Variants in SAMSN1 observed in about 807,000 individuals in gnomAD.
The protein encoded by SAMSN1 is SAM domain-containing protein SAMSN-1.
SAMSN1 carries 31 observed loss-of-function variants against 42.0 expected under a neutral mutation model. The observed-to-expected ratio is 0.74, with a 90% CI of 0.55 to 1.00. The LOEUF (loss-of-function observed/expected upper bound fraction) is 1.00, where lower values mean the gene tolerates loss of function less well. Ranked by LOEUF, SAMSN1 falls within the 50% of genes least tolerant of loss-of-function variation. The pLI is 0.00. For synonymous variants in SAMSN1, 178 were observed against 151.9 expected (o/e 1.17, Z -1.26); for missense variants, 464 against 439.4 (o/e 1.06, Z -0.50).
At chr21:14,534,893 G>A (rs1308813754) in intron 1 of SAMSN1, among the ~76,000 whole-genome samples, 1 of 152,118 alleles carries the variant, frequency 6.6e-6, no homozygotes, top group East Asian at 1.9e-4. Context: ...TTTAGTTCAC[G>A]TTACCTACTG....
intron 2 of SAMSN1, among the ~76,000 whole-genome samples, chr21:14,566,506 T>TG (rs1600933890): frequency 1.3e-5 from 2 of 151,902 alleles, no homozygotes; most frequent in Non-Finnish European, 2.9e-5. Flanking sequence ...GGTTGGCCCA[T>TG]AAAAAAATCT....
chr21:14,507,122 G>A (rs1041307448), intron 5 of SAMSN1, among the ~76,000 whole-genome samples: 1 of 152,112 alleles, frequency 6.6e-6, no homozygotes, highest in Non-Finnish European at 1.5e-5. Flanking sequence ...TTCCCTTTGA[G>A]AACTGGAACA....
At chr21:14,644,708 A>C (rs961826657) in intron 1 of SAMSN1, among the ~76,000 whole-genome samples, 1 of 152,116 alleles carries the variant, frequency 6.6e-6, no homozygotes, top group Non-Finnish European at 1.5e-5. Context: ...TAGAGCACTG[A>C]CTGGGCTCTT....
chr21:14,532,745 A>G (rs957255656), intron 1 of SAMSN1, among the ~76,000 whole-genome samples: 6 of 152,136 alleles, frequency 3.9e-5, no homozygotes, highest in African/African-American at 1.4e-4. Context: ...ATACAGTGAG[A>G]TAGTCATAAT....
At chr21:14,519,077 C>T (rs115369303) in intron 2 of SAMSN1, among the ~76,000 whole-genome samples, 1,976 of 152,240 alleles carry the variant, frequency 0.013, 33 homozygotes, top group Middle Eastern at 0.044. Flanking sequence ...CTATGCCTTT[C>T]TCCATAGCCT....
chr21:14,606,847 A>G (rs1982582875), intron 5 of SAMSN1, among the ~76,000 whole-genome samples: 1 of 152,212 alleles, frequency 6.6e-6, no homozygotes, highest in African/African-American at 2.4e-5. Flanking sequence ...GTCTTAACCT[A>G]TATAGTACAG....
intron 3 of SAMSN1, among the ~76,000 whole-genome samples, chr21:14,516,244 T>C (rs899697953): frequency 1.3e-5 from 2 of 152,242 alleles, no homozygotes; most frequent in East Asian, 1.9e-4. Context: ...CACTAAGTGA[T>C]AAATGGATAA....
intron 6 of SAMSN1, among the ~76,000 whole-genome samples, chr21:14,595,445 C>G (rs955697420): frequency 2.6e-5 from 4 of 152,036 alleles, no homozygotes; most frequent in African/African-American, 7.2e-5. Context: ...ATTACCCAGC[C>G]TAAGGTACTT....
At chr21:14,523,252 G>A (rs1258831348) in intron 1 of SAMSN1, 1 of 152,128 alleles carries the variant, frequency 6.6e-6, no homozygotes, top group Non-Finnish European at 1.5e-5. Context: ...TAAAAGAACT[G>A]AAATAAAAAG....
intron 2 of SAMSN1, among the ~76,000 whole-genome samples, chr21:14,634,190 A>C (rs1983405440): frequency 1.0e-5 from 1 of 95,978 alleles, no homozygotes; most frequent in African/African-American, 3.1e-5. Flanking sequence ...TAAATTTAAA[A>C]CCCAAAACTA....
At chr21:14,577,892 C>A (rs529154621) in intron 2 of SAMSN1, among the ~76,000 whole-genome samples, 3 of 152,234 alleles carry the variant, frequency 2.0e-5, no homozygotes, top group African/African-American at 7.2e-5. Context: ...ACAAATATTT[C>A]TTCACTCCCT....
intron 4 of SAMSN1, chr21:14,612,525 T>C: frequency 2.5e-6 from 1 of 405,150 alleles, no homozygotes; most frequent in Admixed American, 3.5e-5. Flanking sequence ...TAATTTTTTA[T>C]TGTCTCCTAG....
intron 2 of SAMSN1, among the ~76,000 whole-genome samples, chr21:14,631,415 G>GT (rs1243008879): frequency 1.3e-5 from 2 of 152,096 alleles, no homozygotes; most frequent in African/African-American, 4.8e-5. Flanking sequence ...TTGTTTGTTT[G>GT]TTTTTTTCTT....
At chr21:14,587,102 A>G (rs1335051596), upstream of SAMSN1, among the ~76,000 whole-genome samples, 4 of 152,170 alleles carry the variant, frequency 2.6e-5, no homozygotes, top group Non-Finnish European at 5.9e-5. Flanking sequence ...TTCTCTCTCT[A>G]CTGAATTTTG....
chr21:14,546,957 C>T (rs1980426777), upstream of SAMSN1, among the ~76,000 whole-genome samples: 2 of 152,062 alleles, frequency 1.3e-5, no homozygotes, highest in Admixed American at 6.6e-5. Flanking sequence ...GATCCGCCCA[C>T]CTCAGCCTCC....
At chr21:14,592,584 G>T in intron 7 of SAMSN1, 1 of 337,786 alleles carries the variant, frequency 3.0e-6, no homozygotes, top group Non-Finnish European at 6.4e-6. Flanking sequence ...AAATATCCTT[G>T]GGGACATTTG....
chr21:14,580,138 GA>G (rs1231889883), intron 2 of SAMSN1, among the ~76,000 whole-genome samples: 1 of 130,476 alleles, frequency 7.7e-6, no homozygotes, highest in East Asian at 2.0e-4. Context: ...GGGATGATGG[GA>G]TGGGTTCTAA....
intron 2 of SAMSN1, among the ~76,000 whole-genome samples, chr21:14,560,756 A>G (rs543727440): frequency 4.7e-4 from 71 of 152,294 alleles, no homozygotes; most frequent in Non-Finnish European, 7.6e-4. Context: ...CTCTTGCTTC[A>G]CAATGGTTCT....
At chr21:14,616,952 G>C (rs1982854115) in intron 2 of SAMSN1, among the ~76,000 whole-genome samples, 1 of 152,100 alleles carries the variant, frequency 6.6e-6, no homozygotes, top group Non-Finnish European at 1.5e-5. Context: ...GTGATCGAAG[G>C]GGCCATTTAT....
Sources: gnomAD v4.1 joint callset for allele counts (sites outside exome capture counted in the v4.1 genomes callset) on GRCh38, gnomAD v4.1.1 for gene constraint, MANE v1.5 for transcripts, NCBI Gene and HGNC (gene_info 2026-07-23, HGNC 2026-07-21) for gene names.